Variants in CLYBL observed in about 807,000 individuals in gnomAD.
The protein encoded by CLYBL is citramalyl-CoA lyase, mitochondrial.
In CLYBL, 31 loss-of-function variants were observed where a neutral mutation model predicts 38.9. That is an observed-to-expected ratio of 0.80 (90% confidence interval 0.60 to 1.08). The LOEUF is 1.08. CLYBL is among the 50% of genes least tolerant of loss of function. The probability of loss-of-function intolerance (pLI) is 0.00; values close to 1 mark genes in which losing one functional copy is unlikely to be tolerated. For synonymous variants in CLYBL, 171 were observed against 158.6 expected, an observed-to-expected ratio of 1.08 and a Z score of -0.59; for missense variants, 434 against 411.6, an observed-to-expected ratio of 1.05 and a Z score of -0.47.
At chr13:99,772,354 A>G (rs940490947) in intron 1 of CLYBL, among the ~76,000 whole-genome samples, 2 of 152,132 alleles carry the variant, frequency 1.3e-5, no homozygotes, top group African/African-American at 4.8e-5. Context: ...TATCTCTGCT[A>G]TTATTGTTTT....
intron 1 of CLYBL, among the ~76,000 whole-genome samples, chr13:99,754,087 CAAAAA>C (rs71121003): frequency 1.3e-4 from 6 of 45,416 alleles, no homozygotes; most frequent in South Asian, 1.3e-3. Context: ...AACTCGGTCT[CAAAAA>C]AAAAAAAAAA....
intron 1 of CLYBL, among the ~76,000 whole-genome samples, chr13:99,688,959 C>T (rs2047858840): frequency 6.6e-6 from 1 of 152,184 alleles, no homozygotes; most frequent in Admixed American, 6.5e-5. Flanking sequence ...GGTACAGATG[C>T]ACCTTTGGGA....
At chr13:99,740,785 G>T (rs2048741543) in intron 1 of CLYBL, among the ~76,000 whole-genome samples, 1 of 152,158 alleles carries the variant, frequency 6.6e-6, no homozygotes, top group African/African-American at 2.4e-5. Flanking sequence ...CTGCTCTCCA[G>T]CTTGACCTGG....
intron 8 of CLYBL, 161 bp downstream of exon 8, chr13:99,891,598 C>T (rs1003654678): frequency 2.5e-5 from 13 of 530,108 alleles, no homozygotes; most frequent in Admixed American, 1.0e-4. Flanking sequence ...AAAAAATGAA[C>T]GCTTTTCCCT....
rs182927248 is a variant in CLYBL, at chr13:99,747,059, G to C, written c.63-25765G>C. On this transcript the variant is annotated intron_variant, in intron 1 of 8. Coordinates refer to ENST00000339105, the MANE Select transcript of CLYBL (RefSeq NM_206808.5). Reference sequence around the variant, plus strand: ...AAAAAATCCCTCCAGTTTTCCGTCAGATAAAACCTCTGCTCCTCCTTCTCT... The same window carrying C: ...AAAAAATCCCTCCAGTTTTCCGTCACATAAAACCTCTGCTCCTCCTTCTCT... 7.2e-3 allele frequency among the ~76,000 whole-genome samples: 1,100 copies of C among 152,270 alleles called. 12 individuals are homozygous for C. Among genetic ancestry groups the C allele is most frequent in the Middle Eastern group, 0.02 (6 of 294 alleles).
At chr13:99,823,439 C>T (rs984853442) in intron 2 of CLYBL, among the ~76,000 whole-genome samples, 1 of 152,188 alleles carries the variant, frequency 6.6e-6, no homozygotes, top group Non-Finnish European at 1.5e-5. Flanking sequence ...TTTTCATTAC[C>T]CTGAAAGCAT....
At chr13:99,896,123 G>GTGTGGCGGCCCAGGAGGCC (rs1204634970), downstream of CLYBL, 3 of 151,284 alleles carry the variant, frequency 2.0e-5, no homozygotes, top group Non-Finnish European at 4.4e-5. Context: ...GCCAGGAGGA[G>GTGTGGCGGCCCAGGAGGCC]TGTGGCGGCC....
chr13:99,796,073 G>A (rs191473134), intron 2 of CLYBL, among the ~76,000 whole-genome samples: 2 of 152,316 alleles, frequency 1.3e-5, no homozygotes, highest in South Asian at 2.1e-4. Context: ...AGCAAAGGGA[G>A]CCTGAAGTAG....
chr13:99,758,770 TCAAA>T (rs2049112423), intron 1 of CLYBL, among the ~76,000 whole-genome samples: 1 of 152,242 alleles, frequency 6.6e-6, no homozygotes. Flanking sequence ...TTACATTATT[TCAAA>T]CAGTTTTGTT....
chr13:99,824,951 C>G (rs9517892), intron 2 of CLYBL, among the ~76,000 whole-genome samples: 1 of 152,152 alleles, frequency 6.6e-6, no homozygotes, highest in Non-Finnish European at 1.5e-5. Context: ...CCCCTGCCCC[C>G]CACTCTTCAT....
At chr13:99,607,234 T>A (rs189280028) in intron 1 of CLYBL, among the ~76,000 whole-genome samples, 381 of 152,230 alleles carry the variant, frequency 2.5e-3, no homozygotes, top group African/African-American at 8.6e-3. Flanking sequence ...ACCAGAAATT[T>A]AAAAAATATT....
chr13:99,672,697 G>A (rs1286309891), intron 1 of CLYBL, among the ~76,000 whole-genome samples: 1 of 152,000 alleles, frequency 6.6e-6, no homozygotes, highest in East Asian at 1.9e-4. Context: ...TTGAGCCCAG[G>A]AGGTTGAGGC....
At chr13:99,692,819 A>G (rs916520537) in intron 1 of CLYBL, among the ~76,000 whole-genome samples, 2 of 152,222 alleles carry the variant, frequency 1.3e-5, no homozygotes, top group African/African-American at 4.8e-5. Flanking sequence ...TATAAATGGG[A>G]CTATATAAAT....
intron 1 of CLYBL, among the ~76,000 whole-genome samples, chr13:99,767,321 T>G (rs1277657522): frequency 6.6e-6 from 1 of 152,114 alleles, no homozygotes; most frequent in Non-Finnish European, 1.5e-5. Context: ...TTTTTATTTT[T>G]CTGTTGGGGA....
chr13:99,716,603 C>G (rs887201110), intron 1 of CLYBL, among the ~76,000 whole-genome samples: 1 of 151,410 alleles, frequency 6.6e-6, no homozygotes, highest in Non-Finnish European at 1.5e-5. Context: ...AGGCTGGTCT[C>G]AAACTCCTGA....
chr13:99,759,500 G>A (rs753664551), intron 1 of CLYBL, among the ~76,000 whole-genome samples: 1 of 152,120 alleles, frequency 6.6e-6, no homozygotes, highest in Non-Finnish European at 1.5e-5. Flanking sequence ...GCTTTGGTGA[G>A]GCAACAAGTT....
intron 1 of CLYBL, among the ~76,000 whole-genome samples, chr13:99,740,701 A>G (rs2048740117): frequency 6.6e-6 from 1 of 152,226 alleles, no homozygotes; most frequent in South Asian, 2.1e-4. Context: ...GGTCGCCCGT[A>G]GACTCTTCCC....
At chr13:99,723,997 T>C (rs556019496) in intron 1 of CLYBL, among the ~76,000 whole-genome samples, 3 of 152,298 alleles carry the variant, frequency 2.0e-5, no homozygotes, top group South Asian at 2.1e-4. Flanking sequence ...CTTTCTCTTA[T>C]CCTTTTTGCT....
At chr13:99,824,009 C>G (rs2050638821) in intron 2 of CLYBL, among the ~76,000 whole-genome samples, 1 of 152,150 alleles carries the variant, frequency 6.6e-6, no homozygotes, top group Non-Finnish European at 1.5e-5. Flanking sequence ...ATCCTCTAGT[C>G]ACTTCCTTGG....
Sources: allele counts gnomAD v4.1 joint callset (sites outside exome capture counted in the v4.1 genomes callset), GRCh38; gene constraint gnomAD v4.1.1; transcripts MANE v1.5; gene names NCBI Gene and HGNC (gene_info 2026-07-23, HGNC 2026-07-21).